Variants in PDCD1 observed in about 807,000 individuals in gnomAD.
PDCD1 encodes the protein programmed cell death protein 1.
Under a neutral mutation model 23.6 loss-of-function variants are expected in PDCD1, and 10 were observed. That is an observed-to-expected ratio of 0.42 (90% CI 0.26 to 0.72). The LOEUF (loss-of-function observed/expected upper bound fraction) is 0.72. Among genes scored for constraint, PDCD1 ranks in the 30% least tolerant of loss-of-function variants. The pLI, the probability that PDCD1 is intolerant of heterozygous loss-of-function variation, is 0.24. For missense variants in PDCD1, 313 were observed against 397.8 expected (o/e 0.79, Z 1.81); for synonymous variants, 168 against 169.3 (o/e 0.99, Z 0.06).
At chr2:241,858,294 T>C (rs965750654) in intron 1 of PDCD1, among the ~76,000 whole-genome samples, 2 of 152,142 alleles carry the variant, frequency 1.3e-5, no homozygotes, top group African/African-American at 4.8e-5. Context: ...ATCCCATCCT[T>C]AGGAAAACTC....
At chr2:241,857,347 G>A (rs563854988) in intron 1 of PDCD1, among the ~76,000 whole-genome samples, 4 of 152,292 alleles carry the variant, frequency 2.6e-5, no homozygotes, top group South Asian at 4.1e-4. Flanking sequence ...CGGCACAAGC[G>A]CGGGCACCTG....
At chr2:241,856,359 T>C (rs1200656649) in intron 1 of PDCD1, among the ~76,000 whole-genome samples, 1 of 152,242 alleles carries the variant, frequency 6.6e-6, no homozygotes, top group Admixed American at 6.5e-5. Flanking sequence ...AGCCACTCGG[T>C]CGGCGGAGCT....
At chr2:241,855,122 C>T (rs1399944342) in intron 1 of PDCD1, among the ~76,000 whole-genome samples, 1 of 152,144 alleles carries the variant, frequency 6.6e-6, no homozygotes, top group African/African-American at 2.4e-5. Context: ...GTTCCGCCCC[C>T]CCCAACCCCC....
Position 241,850,969 on chromosome 2 carries a change from C to T in PDCD1, c.*89G>A, listed in dbSNP as rs2124855408. ...TCAGCCCCTGGACGGCCTGCAATGG[C>T]CTGCACCCTGCCTGCTTCTCCTGAG... On this transcript the variant is annotated 3_prime_UTR_variant, in exon 5 of 5. Coordinates refer to ENST00000334409, the MANE Select transcript of PDCD1 (RefSeq NM_005018.3). The T allele has an allele frequency of 1.3e-6, 2 of 1,504,726 alleles. No individual in the cohort carries two copies. The highest frequency in any genetic ancestry group is 2.6e-5 in the South Asian group (2 of 76,768). The allele number at this position is 1,504,726 out of a possible 1,614,324, so 93.2% of individuals were successfully genotyped here.
intron 1 of PDCD1, among the ~76,000 whole-genome samples, chr2:241,857,786 G>C (rs75565781): frequency 0.054 from 8,263 of 152,260 alleles, 1,043 homozygotes; most frequent in East Asian, 0.49. Context: ...GGAGCCTCGA[G>C]GGGGTGTCAG....
chr2:241,857,179 G>A (rs796874153), intron 1 of PDCD1, among the ~76,000 whole-genome samples: 27 of 152,328 alleles, frequency 1.8e-4, no homozygotes, highest in African/African-American at 6.5e-4. Context: ...TAGATCAGGA[G>A]GGAAAAGAGG....
chr2:241,855,850 C>A (rs1461779634), intron 1 of PDCD1, among the ~76,000 whole-genome samples: 1 of 152,162 alleles, frequency 6.6e-6, no homozygotes, highest in Non-Finnish European at 1.5e-5. Flanking sequence ...CAACTCCTCA[C>A]AGTCGTGTGT....
Position 241,852,246 on chromosome 2 carries a change from C to A in PDCD1, c.544G>T (p.Val182Leu), listed in dbSNP as rs761670059. The A allele has an allele frequency of 1.2e-6, 2 of 1,611,192 alleles. No individual in the cohort carries two copies. Among genetic ancestry groups the A allele is most frequent in the Non-Finnish European group, 1.7e-6 (2 of 1,179,484 alleles). ...ACGGCCAGGACCCAGACTAGCAGCACCAGGCTGCCCAGCAGGCCGCCCACG... is the reference window on the plus strand; with the variant it reads ...ACGGCCAGGACCCAGACTAGCAGCAACAGGCTGCCCAGCAGGCCGCCCACG... ...GVVGGLLGSL[V>L]LLVWVLAVIC... Residue 182 changes from valine (V) to leucine (L), a missense_variant, in exon 3 of 5, where the codon GTG (valine) becomes TTG (leucine). Physicochemically the swap from Val to Leu is conservative, Grantham distance 32 (BLOSUM62 1). Coordinates refer to ENST00000334409, the MANE Select transcript of PDCD1 (RefSeq NM_005018.3).
intron 4 of PDCD1, among the ~76,000 whole-genome samples, chr2:241,851,595 GCCC>G (rs1700903514): frequency 6.6e-6 from 1 of 151,828 alleles, no homozygotes; most frequent in African/African-American, 2.4e-5. Flanking sequence ...CCCACCCCAC[GCCC>G]TCGCAGGTGG....
intron 4 of PDCD1, 50 bp downstream of exon 4, chr2:241,851,899 A>G: frequency 6.3e-7 from 1 of 1,576,298 alleles, no homozygotes; most frequent in Non-Finnish European, 8.7e-7. Context: ...ACCTCTGCCC[A>G]CCCAGGAAGG....
chr2:241,854,653 C>T (rs1272184303), intron 1 of PDCD1, among the ~76,000 whole-genome samples: 1 of 152,118 alleles, frequency 6.6e-6, no homozygotes, highest in African/African-American at 2.4e-5. Context: ...TGGGTGGACT[C>T]GGCACAGAGC....
In PDCD1 at chr2:241,855,889, C is replaced by T. The variant is rs574287479; in HGVS notation, c.76+2874G>A. On this transcript the variant is annotated intron_variant, in intron 1 of 4. Transcript: ENST00000334409. Reference sequence around the variant, plus strand: ...TGTGGAGGTGGGAAGGGCTGTGGGCCGAACCGTGTCCCCACAGATTCCTAT... The same window carrying T: ...TGTGGAGGTGGGAAGGGCTGTGGGCTGAACCGTGTCCCCACAGATTCCTAT... Among the ~76,000 whole-genome samples, 33 of 152,244 alleles carry T rather than the reference C, an allele frequency of 2.2e-4. No homozygotes were observed. In the South Asian group the frequency reaches 2.7e-3, roughly 12 times the overall value.
intron 1 of PDCD1, among the ~76,000 whole-genome samples, chr2:241,856,390 G>T (rs1016521134): frequency 6.6e-6 from 1 of 152,358 alleles, no homozygotes; most frequent in South Asian, 2.1e-4. Context: ...AGCTCCAGCC[G>T]CCCAGTCCCC....
In PDCD1 at chr2:241,850,743, C is replaced by T; in HGVS notation, c.*315G>A. ...CCGCAGGCAGCAGCAGCAGCAGCAG[C>T]AGCAGCAGCAGAGATTCAGGGAGCT... is the stretch of plus-strand genomic sequence containing the variant. On this transcript the variant is annotated 3_prime_UTR_variant, in exon 5 of 5. Coordinates refer to ENST00000334409, the MANE Select transcript of PDCD1 (RefSeq NM_005018.3). The T allele has an allele frequency of 1.6e-6, 1 of 615,840 alleles. No individual in the cohort carries two copies. The highest frequency in any genetic ancestry group is 3.3e-5 in the East Asian group (1 of 30,690). The allele number at this position is 615,840 out of a possible 1,614,324, so 38.1% of individuals were successfully genotyped here.
intron 1 of PDCD1, among the ~76,000 whole-genome samples, chr2:241,854,724 A>G (rs958419785): frequency 1.2e-4 from 19 of 152,112 alleles, no homozygotes; most frequent in Admixed American, 1.2e-3. Context: ...GGGCCCCACC[A>G]CCGCAGGCAG....
intron 1 of PDCD1, among the ~76,000 whole-genome samples, chr2:241,858,409 C>T (rs41403444): frequency 0.011 from 1,615 of 152,324 alleles, 24 homozygotes; most frequent in African/African-American, 0.037. Context: ...TACAGAAACA[C>T]GCAGCCCCAA....
chr2:241,851,712 CT>C (rs1700906611), intron 4 of PDCD1, among the ~76,000 whole-genome samples: 1 of 150,558 alleles, frequency 6.6e-6, no homozygotes, highest in South Asian at 2.1e-4. Flanking sequence ...CCAGGCACCC[CT>C]GGAGACCGCA....
intron 1 of PDCD1, among the ~76,000 whole-genome samples, chr2:241,857,420 G>A (rs1237724304): frequency 1.3e-5 from 2 of 152,186 alleles, no homozygotes; most frequent in African/African-American, 4.8e-5. Flanking sequence ...CGGGGAGGGT[G>A]GCGTCCCGAG....
intron 1 of PDCD1, 95 bp from the exon 2 acceptor site, chr2:241,853,075 A>G: frequency 7.1e-7 from 1 of 1,399,028 alleles, no homozygotes; most frequent in Non-Finnish European, 9.6e-7. Context: ...GGGCTCTGGA[A>G]GGGCCACCCC....
Sources: gnomAD v4.1 joint callset for allele counts (sites outside exome capture counted in the v4.1 genomes callset) on GRCh38, gnomAD v4.1.1 for gene constraint, MANE v1.5 for transcripts, NCBI Gene and HGNC (gene_info 2026-07-23, HGNC 2026-07-21) for gene names.